The following VCAN variants were observed in gnomAD, a reference collection of about 807,000 sequenced individuals.
VCAN encodes the protein versican.
VCAN carries 44 observed loss-of-function variants against 245.5 expected under a neutral mutation model. The observed-to-expected ratio is 0.18, with a 90% CI of 0.14 to 0.23. The LOEUF (loss-of-function observed/expected upper bound fraction) is 0.23. VCAN is among the 10% of genes least tolerant of loss of function. VCAN has a pLI of 1.00. For synonymous variants in VCAN, 1,413 were observed against 1,437.0 expected (o/e 0.98, Z 0.38); for missense variants, 3,793 against 4,057.9 (o/e 0.93, Z 1.77).
chr5:83,523,314 G>A (rs1346971893), intron 7 of VCAN, among the ~76,000 whole-genome samples: 1 of 151,660 alleles, frequency 6.6e-6, no homozygotes, highest in Non-Finnish European at 1.5e-5. Context: ...ATGGATTTTA[G>A]TTAATTTGCT....
intron 1 of VCAN, among the ~76,000 whole-genome samples, chr5:83,482,440 A>T (rs1426288244): frequency 2.0e-5 from 3 of 152,220 alleles, no homozygotes; most frequent in Non-Finnish European, 4.4e-5. Context: ...GGATATCAAG[A>T]TCATCCCTTG....
intron 2 of VCAN, among the ~76,000 whole-genome samples, chr5:83,489,806 C>T (rs1375104846): frequency 1.1e-5 from 1 of 87,852 alleles, no homozygotes; most frequent in Non-Finnish European, 2.2e-5. Flanking sequence ...ACCTCTTATG[C>T]TTGCCTTTTT....
At chr5:83,484,940 T>C (rs1744744625) in intron 2 of VCAN, among the ~76,000 whole-genome samples, 1 of 152,042 alleles carries the variant, frequency 6.6e-6, no homozygotes, top group African/African-American at 2.4e-5. Context: ...AGCAGAAAGG[T>C]CACTATAGTT....
intron 3 of VCAN, 96 bp from the exon 4 acceptor site, chr5:83,493,450 A>C: frequency 6.9e-7 from 1 of 1,446,996 alleles, no homozygotes; most frequent in African/African-American, 1.4e-5. Context: ...ATTACTATGT[A>C]TCCAACTAAG....
chr5:83,512,477 G>GAC, intron 6 of VCAN, 81 bp downstream of exon 6: 1 of 1,503,416 alleles, frequency 6.7e-7, no homozygotes, highest in Admixed American at 1.9e-5. Context: ...ACTAGCCGTT[G>GAC]GAGTGGATTC....
chr5:83,481,203 A>G (rs941581586), intron 1 of VCAN, among the ~76,000 whole-genome samples: 1 of 151,466 alleles, frequency 6.6e-6, no homozygotes, highest in African/African-American at 2.4e-5. Context: ...AAAGTAGGAA[A>G]TTATTATTTA....
chr5:83,536,891 A>G, intron 7 of VCAN, 116 bp from the exon 8 acceptor site: 1 of 850,296 alleles, frequency 1.2e-6, no homozygotes, highest in Non-Finnish European at 1.8e-6. Context: ...ACTTATTATG[A>G]AAAGATTTGA....
intron 7 of VCAN, among the ~76,000 whole-genome samples, chr5:83,525,982 C>T (rs1026717495): frequency 6.6e-6 from 1 of 151,972 alleles, no homozygotes; most frequent in Non-Finnish European, 1.5e-5. Context: ...CTCTGTTGCC[C>T]AGGCTGGAGT....
In VCAN at chr5:83,490,469, G is replaced by T. The variant is rs147594127; in HGVS notation, c.442G>T (p.Asp148Tyr). The change falls in exon 3 of 15, where the codon GAT (aspartate) becomes TAT (tyrosine). Residue 148 changes from aspartate (D) to tyrosine (Y), a missense_variant. This residue lies in a region of VCAN where 190 missense variants were observed against 288.6 expected (regional missense o/e 0.66). Coordinates refer to ENST00000265077, the MANE Select transcript of VCAN (RefSeq NM_004385.5). ...DTQDTVSLTVDGVVFHYRAAT... is the reference protein window; with the variant it reads ...DTQDTVSLTVYGVVFHYRAAT... ...ACAAGACACGGTGTCACTGACTGTG[G>T]ATGGTAAGGCTTTTATTATCTGCAA... The T allele has an allele frequency of 1.2e-6, 2 of 1,614,006 alleles. No individual in the cohort carries two copies. Among genetic ancestry groups the T allele is most frequent in the South Asian group, 1.1e-5 (1 of 91,058 alleles).
Position 83,506,500 on chromosome 5 carries a change from C to A in VCAN, c.749-5603C>A, listed in dbSNP as rs116395312. On this transcript the variant is annotated intron_variant, in intron 5 of 14. Coordinates refer to ENST00000265077, the MANE Select transcript of VCAN (RefSeq NM_004385.5). ...GTCCTTCATCTCCATCTGAGACCAACCCAGCCTGGACCTTATTGTCAATAT... is the reference window on the plus strand; with the variant it reads ...GTCCTTCATCTCCATCTGAGACCAAACCAGCCTGGACCTTATTGTCAATAT... 7.0e-3 allele frequency among the ~76,000 whole-genome samples: 982 copies of A among 140,532 alleles called. 13 individuals are homozygous for A. Among genetic ancestry groups the A allele is most frequent in the African/African-American group, 0.027 (942 of 35,388 alleles). The allele number at this position is 140,532 out of a possible 152,430, so 92.2% of individuals were successfully genotyped here. A position where few individuals can be genotyped will look rare whatever the true frequency, so the allele number is the denominator to read the frequency against.
At chr5:83,544,014 G>A (rs1233834021) in intron 8 of VCAN, among the ~76,000 whole-genome samples, 1 of 152,200 alleles carries the variant, frequency 6.6e-6, no homozygotes, top group African/African-American at 2.4e-5. Flanking sequence ...TCTCAGCATG[G>A]TGTCTAGTGT....
intron 1 of VCAN, among the ~76,000 whole-genome samples, chr5:83,472,533 T>C (rs1744233043): frequency 6.6e-6 from 1 of 152,140 alleles, no homozygotes; most frequent in African/African-American, 2.4e-5. Flanking sequence ...TGCCTGGTGT[T>C]CCTGGAAAGC....
intron 12 of VCAN, 108 bp from the exon 13 acceptor site, chr5:83,572,308 A>T (rs999454090): frequency 2.3e-5 from 31 of 1,367,398 alleles, no homozygotes; most frequent in Non-Finnish European, 3.0e-5. Context: ...TATATGAAAC[A>T]ACAGAAATTG....
intron 2 of VCAN, among the ~76,000 whole-genome samples, chr5:83,486,852 T>C (rs926799556): frequency 1.3e-5 from 2 of 152,174 alleles, no homozygotes; most frequent in African/African-American, 4.8e-5. Context: ...GTTACAAATA[T>C]ACGATCCACA....
At chr5:83,484,905 A>T (rs1434011537) in intron 2 of VCAN, among the ~76,000 whole-genome samples, 1 of 152,228 alleles carries the variant, frequency 6.6e-6, no homozygotes, top group East Asian at 1.9e-4. Flanking sequence ...TCTGTAAGTT[A>T]GGAAGAAACA....
chr5:83,563,482 C>T (rs184905872), intron 12 of VCAN, among the ~76,000 whole-genome samples: 44 of 152,294 alleles, frequency 2.9e-4, no homozygotes, highest in Non-Finnish European at 4.9e-4. Context: ...AGCCTCTTTT[C>T]AGATAACCAT....
At position 83,537,688 on chromosome 5, in the gene VCAN, T is replaced by C; in HGVS notation, c.4685T>C (p.Phe1562Ser). ...GACCAAGAATCTCAGAAAATAGCCTTTGCAAGGGCTACAGAAGTAACATTT... is the reference window on the plus strand; with the variant it reads ...GACCAAGAATCTCAGAAAATAGCCTCTGCAAGGGCTACAGAAGTAACATTT... Reference protein sequence around the residue: ...AIDQESQKIAFARATEVTFGE... With the variant: ...AIDQESQKIASARATEVTFGE... Residue 1562 changes from phenylalanine (F) to serine (S), a missense_variant, in exon 8 of 15, where the codon TTT becomes TCT. Transcript: ENST00000265077. 2 of 1,613,880 alleles carry C rather than the reference T, an allele frequency of 1.2e-6. No homozygotes were observed. The highest frequency in any genetic ancestry group is 2.2e-5 in the South Asian group (2 of 91,082).
In VCAN at chr5:83,521,990, G is replaced by A. The variant is rs184346013; in HGVS notation, c.3684G>A (p.Ala1228=). The A allele has an allele frequency of 8.7e-6, 14 of 1,614,114 alleles. No homozygotes were observed. The Admixed American group carries it at 1.0e-4, about 12-fold the overall frequency. ...CTTCAGCATTCAAGCCATCTTCCGC[G>A]ATCACTAAGAAACCACCTCTCATCG... ...HTTSAFKPSS[A]ITKKPPLIDR... Residue 1228 remains alanine, a synonymous_variant, in exon 7 of 15, where the codon GCG becomes GCA. Transcript: ENST00000265077.
chr5:83,562,833 C>T (rs1377932687), intron 12 of VCAN, among the ~76,000 whole-genome samples: 2 of 144,230 alleles, frequency 1.4e-5, no homozygotes, highest in African/African-American at 4.9e-5. Context: ...CTGAGGCCCC[C>T]TCTCTCACAG....
Sources: gnomAD v4.1 joint callset for allele counts (sites outside exome capture counted in the v4.1 genomes callset) on GRCh38, gnomAD v4.1.1 for gene constraint, gnomAD v4.1.1 regional missense constraint, MANE v1.5 for transcripts, NCBI Gene and HGNC (gene_info 2026-07-23, HGNC 2026-07-21) for gene names.